Variants in THSD4 observed in about 807,000 individuals in gnomAD.
The protein encoded by THSD4 is thrombospondin type-1 domain-containing protein 4.
Under a neutral mutation model 119.0 loss-of-function variants are expected in THSD4, and 69 were observed. The ratio of observed to expected loss-of-function variants is 0.58; its 90% CI spans 0.48 to 0.71. The LOEUF (loss-of-function observed/expected upper bound fraction) is 0.71, where lower values mean the gene tolerates loss of function less well. Among genes scored for constraint, THSD4 ranks in the 30% least tolerant of loss-of-function variants. The pLI is 0.00. For synonymous variants in THSD4, 524 were observed against 540.4 expected, an observed-to-expected ratio of 0.97 and a Z score of 0.42; for missense variants, 1,393 against 1,391.1, an observed-to-expected ratio of 1.00 and a Z score of -0.02.
chr15:71,451,975 G>A (rs552767014), intron 7 of THSD4, among the ~76,000 whole-genome samples: 81 of 152,242 alleles, frequency 5.3e-4, no homozygotes, highest in African/African-American at 1.8e-3. Flanking sequence ...GGTTTGTTTG[G>A]CAGCACACTG....
chr15:71,158,148 C>CTTTTTTTTTTTTT (rs1193131967), intron 3 of THSD4, among the ~76,000 whole-genome samples: 2 of 85,034 alleles, frequency 2.4e-5, no homozygotes, highest in Non-Finnish European at 2.2e-5. Flanking sequence ...CAACACTTAT[C>CTTTTTTTTTTTTT]TTTTTTTTTT....
intron 7 of THSD4, among the ~76,000 whole-genome samples, chr15:71,648,439 A>G (rs545722324): frequency 6.6e-6 from 1 of 152,340 alleles, no homozygotes; most frequent in African/African-American, 2.4e-5. Flanking sequence ...TAAAATGAAA[A>G]TAATCCCTTT....
chr15:71,199,451 G>GC (rs2043748547), intron 3 of THSD4, among the ~76,000 whole-genome samples: 1 of 126,828 alleles, frequency 7.9e-6, no homozygotes, highest in Non-Finnish European at 1.8e-5. Flanking sequence ...GTGTGTGTGT[G>GC]TGGGGGGGGG....
At chr15:71,360,549 C>T (rs2045880986) in intron 6 of THSD4, among the ~76,000 whole-genome samples, 1 of 152,174 alleles carries the variant, frequency 6.6e-6, no homozygotes, top group Non-Finnish European at 1.5e-5. Context: ...ACTACTGCCA[C>T]CTTAGCAGGG....
intron 7 of THSD4, among the ~76,000 whole-genome samples, chr15:71,447,391 A>G (rs2047200481): frequency 6.6e-6 from 1 of 151,882 alleles, no homozygotes; most frequent in South Asian, 2.1e-4. Flanking sequence ...TTGGCTTCCC[A>G]AAGTGCAAGG....
At chr15:71,459,388 C>CTCTCTCTCTCTCTCTCTG (rs2047393433) in intron 7 of THSD4, among the ~76,000 whole-genome samples, 1 of 121,820 alleles carries the variant, frequency 8.2e-6, no homozygotes, top group Non-Finnish European at 1.9e-5. Context: ...CTGTCTCTCT[C>CTCTCTCTCTCTCTCTCTG]TCTCTCTCTC....
At chr15:71,584,256 CACTT>C (rs2049616913) in intron 7 of THSD4, among the ~76,000 whole-genome samples, 1 of 66,198 alleles carries the variant, frequency 1.5e-5, no homozygotes, top group African/African-American at 3.7e-5. Flanking sequence ...TTTTTTTTTT[CACTT>C]TCTTTTTTTT....
At chr15:71,246,886 CTTTTTTTTTTTT>C (rs67700872) in intron 5 of THSD4, among the ~76,000 whole-genome samples, 9 of 114,506 alleles carry the variant, frequency 7.9e-5, no homozygotes, top group Non-Finnish European at 1.4e-4. Flanking sequence ...GGTCCAAAGT[CTTTTTTTTTTTT>C]TTTTTTTTTG....
intron 3 of THSD4, among the ~76,000 whole-genome samples, chr15:71,174,971 C>G (rs1481780004): frequency 2.7e-5 from 4 of 150,224 alleles, no homozygotes; most frequent in Non-Finnish European, 5.9e-5. Flanking sequence ...GACATCCACA[C>G]CGAAAACCCA....
At chr15:71,262,667 G>C (rs960183578) in intron 6 of THSD4, among the ~76,000 whole-genome samples, 1 of 152,028 alleles carries the variant, frequency 6.6e-6, no homozygotes, top group Non-Finnish European at 1.5e-5. Flanking sequence ...CAACTGAAAA[G>C]CCAGAGGGGA....
chr15:71,776,248 C>G (rs1191897137), intron 17 of THSD4, among the ~76,000 whole-genome samples: 1 of 152,170 alleles, frequency 6.6e-6, no homozygotes, highest in Non-Finnish European at 1.5e-5. Flanking sequence ...TTAAAAATCT[C>G]TGTTTATCAA....
chr15:71,130,666 A>C (rs2040495181), intron 1 of THSD4, among the ~76,000 whole-genome samples: 1 of 152,220 alleles, frequency 6.6e-6, no homozygotes, highest in African/African-American at 2.4e-5. Flanking sequence ...CACCTGCTTC[A>C]TAGGGTTGTC....
At chr15:71,612,768 T>C (rs181936159) in intron 7 of THSD4, among the ~76,000 whole-genome samples, 1 of 152,322 alleles carries the variant, frequency 6.6e-6, no homozygotes, top group Non-Finnish European at 1.5e-5. Context: ...TGCATTGATA[T>C]GGCTCAAAGG....
chr15:71,557,840 T>C (rs888842584), intron 7 of THSD4, among the ~76,000 whole-genome samples: 1 of 152,172 alleles, frequency 6.6e-6, no homozygotes, highest in African/African-American at 2.4e-5. Context: ...TTTCCTAATA[T>C]TGTTCAATTG....
At chr15:71,339,193 T>C (rs1775470404) in intron 6 of THSD4, among the ~76,000 whole-genome samples, 1 of 152,200 alleles carries the variant, frequency 6.6e-6, no homozygotes. Context: ...TCTTAGTATG[T>C]TTTATCTCCA....
At chr15:71,523,545 T>G (rs2048473390) in intron 7 of THSD4, among the ~76,000 whole-genome samples, 1 of 152,212 alleles carries the variant, frequency 6.6e-6, no homozygotes, top group Non-Finnish European at 1.5e-5. Flanking sequence ...AGACCACGCT[T>G]CAACCTACTG....
chr15:71,613,645 G>A (rs1366486017), intron 7 of THSD4, among the ~76,000 whole-genome samples: 1 of 151,914 alleles, frequency 6.6e-6, no homozygotes, highest in African/African-American at 2.4e-5. Flanking sequence ...TTTTTCCTCT[G>A]CAACTTATTT....
chr15:71,442,604 G>GCA, intron 7 of THSD4, among the ~76,000 whole-genome samples: 1 of 19,252 alleles, frequency 5.2e-5, no homozygotes, highest in Non-Finnish European at 1.1e-4. Context: ...ATATATATGT[G>GCA]TGTGTGTGTG....
chr15:71,663,080 A>G lies in THSD4; in HGVS notation c.1357+2346A>G, dbSNP rs112840708. Among the ~76,000 whole-genome samples the G allele has an allele frequency of 9.1e-3, 1,385 of 152,072 alleles. 21 individuals are homozygous for G. Among genetic ancestry groups the G allele is most frequent in the African/African-American group, 0.032 (1,312 of 41,476 alleles). ...CCTGCGCAACATCAAGTGAGACCCC[A>G]TCTCTACAAAAAAATTTAAAAATCA... On this transcript the variant is annotated intron_variant, in intron 8 of 17. Transcript: ENST00000261862.
Sources: allele counts gnomAD v4.1 joint callset (sites outside exome capture counted in the v4.1 genomes callset), GRCh38; gene constraint gnomAD v4.1.1; transcripts MANE v1.5; gene names NCBI Gene and HGNC (gene_info 2026-07-23, HGNC 2026-07-21).